Variants in SPOCK1 observed in about 807,000 individuals in gnomAD.
SPOCK1 encodes testican-1.
A neutral mutation model predicts 55.3 loss-of-function variants in SPOCK1; 23 were observed. The ratio of observed to expected loss-of-function variants is 0.42; its 90% confidence interval spans 0.30 to 0.59. The LOEUF is 0.59. Among genes scored for constraint, SPOCK1 ranks in the 20% least tolerant of loss-of-function variants. The pLI is 0.22. For missense variants in SPOCK1, 499 were observed against 552.5 expected (o/e 0.90, Z 0.97); for synonymous variants, 226 against 221.0 (o/e 1.02, Z -0.20).
At chr5:137,160,549 AATATATATT>A (rs1561631575) in intron 3 of SPOCK1, among the ~76,000 whole-genome samples, 3 of 57,266 alleles carry the variant, frequency 5.2e-5, no homozygotes, top group Middle Eastern at 6.8e-3. Context: ...TAATATATAT[AATATATATT>A]ATATATTATA....
chr5:136,982,060 A>C (rs903313755), intron 9 of SPOCK1, among the ~76,000 whole-genome samples: 2 of 152,202 alleles, frequency 1.3e-5, no homozygotes, highest in African/African-American at 4.8e-5. Context: ...AATGGTGTAC[A>C]GGTTTATACC....
intron 3 of SPOCK1, among the ~76,000 whole-genome samples, chr5:137,157,978 C>T (rs1162761159): frequency 1.3e-5 from 2 of 152,190 alleles, no homozygotes; most frequent in Non-Finnish European, 2.9e-5. Context: ...CGGAGAATCA[C>T]TTGAACCTGT....
intron 4 of SPOCK1, among the ~76,000 whole-genome samples, chr5:137,122,664 A>G (rs1753708006): frequency 6.6e-6 from 1 of 152,230 alleles, no homozygotes; most frequent in African/African-American, 2.4e-5. Flanking sequence ...TTCATTTGGT[A>G]TCTCCTGCCT....
intron 4 of SPOCK1, among the ~76,000 whole-genome samples, chr5:137,128,037 G>A (rs1005463648): frequency 2.0e-5 from 3 of 152,178 alleles, no homozygotes; most frequent in African/African-American, 7.2e-5. Context: ...CCCAATGTGA[G>A]GGTATTTGGA....
chr5:137,119,308 T>C (rs903691902), intron 4 of SPOCK1, among the ~76,000 whole-genome samples: 9 of 152,248 alleles, frequency 5.9e-5, no homozygotes, highest in African/African-American at 2.2e-4. Flanking sequence ...ATAGTTAACA[T>C]AGTGGCTATT....
chr5:137,180,329 C>T (rs1230521163), intron 3 of SPOCK1, among the ~76,000 whole-genome samples: 1 of 149,604 alleles, frequency 6.7e-6, no homozygotes, highest in African/African-American at 2.5e-5. Flanking sequence ...GTAACTCTAC[C>T]CTCAGTGGGT....
chr5:137,287,393 C>T (rs1231163253), intron 2 of SPOCK1, among the ~76,000 whole-genome samples: 1 of 152,184 alleles, frequency 6.6e-6, no homozygotes, highest in Admixed American at 6.5e-5. Flanking sequence ...CAGGGCTCGA[C>T]GAGACTTCCT....
chr5:137,259,170 C>T (rs1458028708), intron 3 of SPOCK1, among the ~76,000 whole-genome samples: 1 of 152,168 alleles, frequency 6.6e-6, no homozygotes, highest in Non-Finnish European at 1.5e-5. Context: ...AATCATTCTA[C>T]TATAAAGACA....
chr5:137,485,630 G>A (rs936899035), intron 2 of SPOCK1, among the ~76,000 whole-genome samples: 3 of 152,064 alleles, frequency 2.0e-5, no homozygotes, highest in African/African-American at 7.2e-5. Flanking sequence ...GTGCTATTAT[G>A]TAATAAACAA....
chr5:137,205,930 G>T (rs770471944), intron 3 of SPOCK1, among the ~76,000 whole-genome samples: 1 of 152,116 alleles, frequency 6.6e-6, no homozygotes, highest in African/African-American at 2.4e-5. Context: ...ACCACTGAAC[G>T]GATGAGAACA....
intron 2 of SPOCK1, among the ~76,000 whole-genome samples, chr5:137,290,819 C>T (rs1048357424): frequency 2.6e-5 from 4 of 152,184 alleles, no homozygotes; most frequent in South Asian, 4.2e-4. Flanking sequence ...TAGGGAGAAG[C>T]GGGGCCCTTG....
intron 2 of SPOCK1, among the ~76,000 whole-genome samples, chr5:137,324,237 G>C (rs1758033153): frequency 6.6e-6 from 1 of 152,124 alleles, no homozygotes; most frequent in South Asian, 2.1e-4. Context: ...TTGAGATCAG[G>C]AGTTCAAGAA....
At chr5:137,156,601 T>C (rs1645739413) in intron 3 of SPOCK1, among the ~76,000 whole-genome samples, 1 of 152,126 alleles carries the variant, frequency 6.6e-6, no homozygotes, top group Admixed American at 6.5e-5. Context: ...GTGGTGAATA[T>C]ACATGTTGAA....
intron 6 of SPOCK1, 107 bp from the exon 7 acceptor site, chr5:136,992,707 C>T (rs1002141325): frequency 1.5e-5 from 11 of 750,522 alleles, no homozygotes; most frequent in Admixed American, 7.8e-5. Flanking sequence ...TATCCAACCA[C>T]GATATAACTG....
chr5:137,022,691 C>T (rs1274165251), intron 6 of SPOCK1, among the ~76,000 whole-genome samples: 1 of 152,144 alleles, frequency 6.6e-6, no homozygotes, highest in East Asian at 1.9e-4. Flanking sequence ...TATCAATTTA[C>T]ATGTCTCAAG....
intron 3 of SPOCK1, among the ~76,000 whole-genome samples, chr5:137,195,660 C>G (rs1181500006): frequency 2.6e-5 from 4 of 152,288 alleles, no homozygotes; most frequent in Admixed American, 2.0e-4. Context: ...GAGGGTGGCC[C>G]ACAGCTCCAG....
intron 2 of SPOCK1, among the ~76,000 whole-genome samples, chr5:137,314,718 T>C (rs1379566496): frequency 6.6e-6 from 1 of 152,152 alleles, no homozygotes; most frequent in Non-Finnish European, 1.5e-5. Context: ...AAAGGACATA[T>C]GGGATCCTGC....
At chr5:137,340,446 G>C (rs1009263591) in intron 2 of SPOCK1, among the ~76,000 whole-genome samples, 2 of 152,184 alleles carry the variant, frequency 1.3e-5, no homozygotes, top group Non-Finnish European at 2.9e-5. Context: ...TCCTAACTAT[G>C]ACCTAAAACA....
intron 3 of SPOCK1, among the ~76,000 whole-genome samples, chr5:137,155,431 C>T (rs939965293): frequency 1.1e-4 from 16 of 152,164 alleles, no homozygotes; most frequent in Non-Finnish European, 1.9e-4. Flanking sequence ...CCTCACTTGG[C>T]CTCTATTGTT....
Sources: allele counts gnomAD v4.1 joint callset (sites outside exome capture counted in the v4.1 genomes callset), GRCh38; gene constraint gnomAD v4.1.1; transcripts MANE v1.5; gene names NCBI Gene and HGNC (gene_info 2026-07-23, HGNC 2026-07-21).